Variants in SPAG16 observed in about 807,000 individuals in gnomAD.
The protein encoded by SPAG16 is sperm associated antigen 16.
A neutral mutation model predicts 80.4 loss-of-function variants in SPAG16; 86 were observed. The ratio of observed to expected loss-of-function variants is 1.07; its 90% CI spans 0.90 to 1.28. The LOEUF (loss-of-function observed/expected upper bound fraction) is 1.28. Ranked by LOEUF, SPAG16 falls within the 50% of genes most tolerant of loss-of-function variation. The pLI, the probability that SPAG16 is intolerant of heterozygous loss-of-function variation, is 0.00. For missense variants in SPAG16, 870 were observed against 765.3 expected (o/e 1.14, Z -1.61); for synonymous variants, 294 against 265.9 (o/e 1.11, Z -1.03).
intron 9 of SPAG16, among the ~76,000 whole-genome samples, chr2:213,484,089 C>T (rs1371835220): frequency 6.8e-6 from 1 of 148,004 alleles, no homozygotes; most frequent in Non-Finnish European, 1.5e-5. Flanking sequence ...CATTTTATGG[C>T]TTCAGCCTTA....
intron 10 of SPAG16, among the ~76,000 whole-genome samples, chr2:213,761,791 G>C (rs1320824606): frequency 6.6e-6 from 1 of 152,030 alleles, no homozygotes. Context: ...GCATGAACCC[G>C]GGAGGCAGAG....
At chr2:213,400,719 G>A (rs1032885731) in intron 9 of SPAG16, among the ~76,000 whole-genome samples, 2 of 152,080 alleles carry the variant, frequency 1.3e-5, no homozygotes, top group Admixed American at 1.3e-4. Context: ...CTTAATAGTT[G>A]TGTGTTTGTG....
intron 15 of SPAG16, among the ~76,000 whole-genome samples, chr2:214,255,345 G>A (rs1409166162): frequency 6.6e-6 from 1 of 151,834 alleles, no homozygotes; most frequent in Non-Finnish European, 1.5e-5. Context: ...TCTGGCCCTG[G>A]GATTTTTCTA....
In SPAG16 at chr2:213,968,249, A is replaced by G. The variant is rs191501983; in HGVS notation, c.1400+38104A>G. Among the ~76,000 whole-genome samples, 45 of 151,524 alleles carry G rather than the reference A, an allele frequency of 3.0e-4. 1 individual carries two copies. In the East Asian group the frequency reaches 7.6e-3, roughly 26 times the overall value. ...GAGTGTAACGGCGAGATCTCATCTCACTGCAATCTCCGCCTCCCAAGTTCA... is the reference window on the plus strand; with the variant it reads ...GAGTGTAACGGCGAGATCTCATCTCGCTGCAATCTCCGCCTCCCAAGTTCA... On this transcript the variant is annotated intron_variant, in intron 12 of 15. Coordinates refer to ENST00000331683, the MANE Select transcript of SPAG16 (RefSeq NM_024532.5).
At chr2:213,555,451 G>A (rs1457421955) in intron 10 of SPAG16, among the ~76,000 whole-genome samples, 1 of 152,176 alleles carries the variant, frequency 6.6e-6, no homozygotes, top group Non-Finnish European at 1.5e-5. Flanking sequence ...CTGCCACCCT[G>A]TAAAGAAGGT....
At chr2:213,918,673 C>T (rs1337457941) in intron 11 of SPAG16, among the ~76,000 whole-genome samples, 1 of 152,166 alleles carries the variant, frequency 6.6e-6, no homozygotes, top group Non-Finnish European at 1.5e-5. Flanking sequence ...GACTGTGAGG[C>T]CTCCCCAGCC....
At chr2:214,099,543 A>C (rs2052846695) in intron 13 of SPAG16, among the ~76,000 whole-genome samples, 1 of 152,104 alleles carries the variant, frequency 6.6e-6, no homozygotes, top group South Asian at 2.1e-4. Context: ...AATAATAATA[A>C]AATGCATATA....
At chr2:214,278,901 G>A (rs1284086848) in intron 15 of SPAG16, among the ~76,000 whole-genome samples, 1 of 152,178 alleles carries the variant, frequency 6.6e-6, no homozygotes, top group East Asian at 1.9e-4. Context: ...ATGTGGAACT[G>A]TGATTACAGA....
intron 15 of SPAG16, among the ~76,000 whole-genome samples, chr2:214,193,395 ATGTGTGTGTGTG>A (rs60839638): frequency 1.6e-5 from 2 of 124,358 alleles, no homozygotes; most frequent in South Asian, 2.8e-4. Flanking sequence ...GAGATCTTTT[ATGTGTGTGTGTG>A]TGTGTGTGTG....
At chr2:213,761,386 G>GA (rs1321517870) in intron 10 of SPAG16, among the ~76,000 whole-genome samples, 4 of 152,022 alleles carry the variant, frequency 2.6e-5, no homozygotes, top group Non-Finnish European at 5.9e-5. Context: ...GCTAGCACAA[G>GA]AAAGGAAATA....
At chr2:213,950,702 C>CTT (rs59353089) in intron 12 of SPAG16, among the ~76,000 whole-genome samples, 11 of 99,728 alleles carry the variant, frequency 1.1e-4, no homozygotes, top group South Asian at 3.6e-4. Flanking sequence ...TTTTTTCTTT[C>CTT]TTTTTTTTTT....
intron 13 of SPAG16, among the ~76,000 whole-genome samples, chr2:214,078,579 G>C (rs1332695543): frequency 6.7e-6 from 1 of 148,502 alleles, no homozygotes; most frequent in East Asian, 2.0e-4. Flanking sequence ...CTCCTTTTCT[G>C]TGTGTCTCTT....
At chr2:213,550,958 A>G (rs1286474723) in intron 10 of SPAG16, among the ~76,000 whole-genome samples, 1 of 152,094 alleles carries the variant, frequency 6.6e-6, no homozygotes, top group Non-Finnish European at 1.5e-5. Context: ...CATTTTAAAT[A>G]TATCTAATAA....
rs573582021 is a variant in SPAG16, at chr2:213,726,140, C to T, written c.1071-136345C>T. ...TCTCCCTGCTGAAGTTCACTTTGCC[C>T]ACCTATGTGGCAGTCCAGAAATGAT... On this transcript the variant is annotated intron_variant, in intron 10 of 15. Coordinates refer to ENST00000331683, the MANE Select transcript of SPAG16 (RefSeq NM_024532.5). Among the ~76,000 whole-genome samples, 112 of 152,330 alleles carry T rather than the reference C, an allele frequency of 7.4e-4. No individual in the cohort carries two copies. The Middle Eastern group carries it at 0.014, about 19-fold the overall frequency.
intron 10 of SPAG16, among the ~76,000 whole-genome samples, chr2:213,786,751 T>A (rs1480866492): frequency 2.6e-5 from 4 of 152,104 alleles, no homozygotes; most frequent in Admixed American, 2.6e-4. Flanking sequence ...TAATGGGAAA[T>A]AAATATATTG....
At chr2:214,292,319 G>A (rs1409834147) in intron 15 of SPAG16, among the ~76,000 whole-genome samples, 2 of 151,946 alleles carry the variant, frequency 1.3e-5, no homozygotes, top group Non-Finnish European at 2.9e-5. Context: ...TTGATTTATT[G>A]TTTTTTTAAA....
chr2:214,405,512 A>G (rs1257958462), intron 15 of SPAG16, among the ~76,000 whole-genome samples: 1 of 152,136 alleles, frequency 6.6e-6, no homozygotes, highest in Non-Finnish European at 1.5e-5. Context: ...ATCCCAAATC[A>G]AGGCTGGGCA....
intron 10 of SPAG16, among the ~76,000 whole-genome samples, chr2:213,609,387 C>A (rs1273056549): frequency 1.3e-5 from 2 of 152,210 alleles, no homozygotes. Flanking sequence ...CCCAATTCTT[C>A]TGTGCCTCTG....
At chr2:213,310,365 CACACACACAA>C (rs1198265960) in intron 4 of SPAG16, among the ~76,000 whole-genome samples, 188 bp downstream of exon 4, 1 of 85,444 alleles carries the variant, frequency 1.2e-5, no homozygotes, top group African/African-American at 4.4e-5. Context: ...CACACACACA[CACACACACAA>C]ATCAGAATAG....
Sources: allele counts gnomAD v4.1 joint callset (sites outside exome capture counted in the v4.1 genomes callset), GRCh38; gene constraint gnomAD v4.1.1; transcripts MANE v1.5; gene names NCBI Gene and HGNC (gene_info 2026-07-23, HGNC 2026-07-21).